NSMCE4A: variants seen among roughly 807,000 people sequenced by gnomAD.
NSMCE4A encodes non-structural maintenance of chromosomes element 4 homolog A.
In NSMCE4A, 40 loss-of-function variants were observed where a neutral mutation model predicts 47.9. The observed-to-expected ratio is 0.83, with a 90% CI of 0.65 to 1.09. The LOEUF (loss-of-function observed/expected upper bound fraction) is 1.09. NSMCE4A is among the 50% of genes least tolerant of loss of function. The pLI, the probability that NSMCE4A is intolerant of heterozygous loss-of-function variation, is 0.00. For synonymous variants in NSMCE4A, 166 were observed against 178.5 expected (o/e 0.93, Z 0.56); for missense variants, 500 against 507.0 (o/e 0.99, Z 0.13).
chr10:121,971,034 A>C lies in NSMCE4A; in HGVS notation c.406T>G (p.Phe136Val), dbSNP rs369664917. 1 of 1,613,878 alleles carries C rather than the reference A, an allele frequency of 6.2e-7. No individual in the cohort carries two copies. Among genetic ancestry groups the C allele is most frequent in the African/African-American group, 1.3e-5 (1 of 74,904 alleles). ...RAREAVLDAH[F>V]LVLASDLGKE... Reference sequence around the variant, plus strand: ...CCCAAATCTGAAGCCAAAACAAGAAAGTGGGCATCCAGGACTGCTTCTCTT... The same window carrying C: ...CCCAAATCTGAAGCCAAAACAAGAACGTGGGCATCCAGGACTGCTTCTCTT... The change falls in exon 3 of 11, where the codon TTT (phenylalanine) becomes GTT (valine). Residue 136 changes from phenylalanine to valine, a missense_variant. Transcript: ENST00000369023.
intron 5 of NSMCE4A, 105 bp from the exon 6 acceptor site, chr10:121,963,433 A>G: frequency 1.6e-6 from 1 of 618,300 alleles, no homozygotes; most frequent in Non-Finnish European, 2.8e-6. Flanking sequence ...GCACACCCGA[A>G]CTCTTTTTTT....
At chr10:121,974,442 T>G in intron 1 of NSMCE4A, 3 of 1,010,324 alleles carry the variant, frequency 3.0e-6, no homozygotes, top group Admixed American at 5.6e-5. Flanking sequence ...GAGATTCGAA[T>G]TCCGCGGGTC....
At position 121,965,394 on chromosome 10, in the gene NSMCE4A, A is replaced by G; in HGVS notation, c.654-9T>C. 1 of 1,592,622 alleles carries G rather than the reference A, an allele frequency of 6.3e-7. No individual in the cohort carries two copies. On this transcript the variant is annotated splice_polypyrimidine_tract_variant and intron_variant, in intron 4 of 10. Transcript: ENST00000369023. ...CGTATATTGAACCCAACCTAATGAA[A>G]AGTATGCTTTCATTTATTTTTTTTG...
At chr10:121,957,875 C>T (rs1564988552) in intron 10 of NSMCE4A, among the ~76,000 whole-genome samples, 1 of 151,952 alleles carries the variant, frequency 6.6e-6, no homozygotes, top group South Asian at 2.1e-4. Context: ...AAAAAAAATT[C>T]TTAGCAATGA....
chr10:121,963,404 A>G (rs1952538689), intron 5 of NSMCE4A, 76 bp from the exon 6 acceptor site: 3 of 781,672 alleles, frequency 3.8e-6, no homozygotes, highest in East Asian at 5.2e-5. Flanking sequence ...GCACACCCAA[A>G]CTCCTTTTCT....
Position 121,967,681 on chromosome 10 carries a change from A to T in NSMCE4A, c.627T>A (p.Phe209Leu). Reference protein sequence around the residue: ...KITGRTAENTFNKTHTFHFLL... With the variant: ...KITGRTAENTLNKTHTFHFLL... ...GAAAGTGGAATGTATGGGTTTTATT[A>T]AAGGTGTTTTCTGCTGTTCTGCCTG... Residue 209 changes from phenylalanine to leucine, a missense_variant, in exon 4 of 11, where the codon TTT becomes TTA. Coordinates refer to ENST00000369023, the MANE Select transcript of NSMCE4A (RefSeq NM_017615.3). 1 of 1,612,062 alleles carries T rather than the reference A, an allele frequency of 6.2e-7. No homozygotes were observed. The highest frequency in any genetic ancestry group is 8.5e-7 in the Non-Finnish European group (1 of 1,179,638).
rs111262138 is a variant in NSMCE4A at position 121,974,258 on chromosome 10, C to A, written c.293-177G>T. On this transcript the variant is annotated intron_variant, in intron 1 of 10. Coordinates refer to ENST00000369023, the MANE Select transcript of NSMCE4A (RefSeq NM_017615.3). ...CCGGAAAAGGAGAAAGGCCACCCTACCCTTTATGCAGCATGAATTTTAAAA... is the reference window on the plus strand; with the variant it reads ...CCGGAAAAGGAGAAAGGCCACCCTAACCTTTATGCAGCATGAATTTTAAAA... 64 of 1,411,268 alleles carry A rather than the reference C, an allele frequency of 4.5e-5. No individual in the cohort carries two copies. In the African/African-American group the frequency reaches 6.2e-4, roughly 14 times the overall value. 87.4% of individuals were successfully genotyped at this position (1,411,268 alleles called of 1,614,324 possible).
intron 10 of NSMCE4A, among the ~76,000 whole-genome samples, chr10:121,957,916 T>C (rs1952428212): frequency 6.7e-6 from 1 of 149,850 alleles, no homozygotes; most frequent in South Asian, 2.1e-4. Context: ...ATTTTATAGA[T>C]ATATTTATAG....
chr10:121,968,577 G>T lies in NSMCE4A; in HGVS notation c.502-771C>A, dbSNP rs182014831. On this transcript the variant is annotated intron_variant, in intron 3 of 10. Coordinates refer to ENST00000369023, the MANE Select transcript of NSMCE4A (RefSeq NM_017615.3). ...AATTGCCTTCCTGGGAAGAGTTGGC[G>T]GAAGTCAAATAATTCTCTCATCTCA... Among the ~76,000 whole-genome samples the T allele has an allele frequency of 5.3e-5, 8 of 151,988 alleles. No homozygotes were observed. In the East Asian group the frequency reaches 1.4e-3, roughly 26 times the overall value.
intron 10 of NSMCE4A, among the ~76,000 whole-genome samples, 198 bp from the exon 11 acceptor site, chr10:121,957,457 G>C (rs911109956): frequency 3.4e-5 from 4 of 116,140 alleles, no homozygotes; most frequent in Non-Finnish European, 1.7e-5. Flanking sequence ...TTTTGAGACA[G>C]AGTTTCGCTC....
rs752449768 is a variant in NSMCE4A, at chr10:121,974,931, G to T, written c.235C>A (p.Gln79Lys). The T allele has an allele frequency of 8.5e-6, 13 of 1,534,622 alleles. No homozygotes were observed. In the South Asian group the frequency reaches 1.3e-4, roughly 16 times the overall value. Residue 79 changes from glutamine (Q) to lysine (K), a missense_variant, in exon 1 of 11, where the codon CAA (glutamine) becomes AAA (lysine). By Grantham distance (53) the Gln-to-Lys change is moderately conservative. Transcript: ENST00000369023. ...DPASLEAEAD[Q>K]GLCRQIRHQY... Reference sequence around the variant, plus strand: ...TGGCGGATCTGGCGGCACAGGCCTTGGTCGGCCTCCGCCTCCAAGCTGGCC... The same window carrying T: ...TGGCGGATCTGGCGGCACAGGCCTTTGTCGGCCTCCGCCTCCAAGCTGGCC...
At chr10:121,964,552 C>T (rs1306508607) in intron 5 of NSMCE4A, among the ~76,000 whole-genome samples, 2 of 152,158 alleles carry the variant, frequency 1.3e-5, no homozygotes, top group East Asian at 3.9e-4. Context: ...CCTAATTCTC[C>T]TGCGTCAGCC....
chr10:121,969,243 G>A (rs1231737794), intron 3 of NSMCE4A, among the ~76,000 whole-genome samples: 2 of 152,176 alleles, frequency 1.3e-5, no homozygotes, highest in African/African-American at 4.8e-5. Context: ...GCTGAGGCAG[G>A]AGAATCGCTT....
chr10:121,957,620 G>A (rs1391201447), intron 10 of NSMCE4A, among the ~76,000 whole-genome samples: 1 of 151,672 alleles, frequency 6.6e-6, no homozygotes, highest in Non-Finnish European at 1.5e-5. Flanking sequence ...ACTTTTAGTA[G>A]AGACGGGGTT....
chr10:121,960,952 C>T lies in NSMCE4A; in HGVS notation c.939+471G>A, dbSNP rs1314635917. On this transcript the variant is annotated intron_variant, in intron 7 of 10. Coordinates refer to ENST00000369023, the MANE Select transcript of NSMCE4A (RefSeq NM_017615.3). This position sits in a 1 kb window ranked among gnomAD's most constrained non-coding sequence, Gnocchi z 4.2. ...AAGGGCTATAAGACTACTATAAACA[C>T]GTGGCATATATCCTTTACCCATATT... 2.0e-5 allele frequency among the ~76,000 whole-genome samples: 3 copies of T among 152,110 alleles called. No individual in the cohort carries two copies. Among genetic ancestry groups the T allele is most frequent in the Non-Finnish European group, 4.4e-5 (3 of 68,020 alleles).
intron 1 of NSMCE4A, chr10:121,974,554 A>C: frequency 6.9e-6 from 7 of 1,017,432 alleles, no homozygotes; most frequent in Non-Finnish European, 8.2e-6. Context: ...TGCCGGGCGC[A>C]ATCAAAGCAC....
Position 121,959,461 on chromosome 10 carries a change from CAG to C in NSMCE4A, c.1083+38_1083+39del, listed in dbSNP as rs758906168. 6.2e-6 allele frequency: 10 copies of C among 1,611,992 alleles called. No homozygotes were observed. The African/African-American group carries it at 1.2e-4, about 19-fold the overall frequency. On this transcript the variant is annotated intron_variant, in intron 9 of 10. Transcript: ENST00000369023. ...GCACTGGGCTTACTGCAAGTGAAGG[CAG>C]AGTCAGAACTATGCAGGGGCAACAG...
chr10:121,965,473 A>T, intron 4 of NSMCE4A, 88 bp from the exon 5 acceptor site: 1 of 968,710 alleles, frequency 1.0e-6, no homozygotes, highest in Non-Finnish European at 1.6e-6. Context: ...TTTGCATGGT[A>T]TAGTCAAATT....
Position 121,975,207 on chromosome 10 carries a change from C to T in NSMCE4A, c.-42G>A. 7.4e-7 allele frequency: 1 copy of T among 1,348,454 alleles called. No individual in the cohort carries two copies. Among genetic ancestry groups the T allele is most frequent in the Non-Finnish European group, 9.5e-7 (1 of 1,055,662 alleles). 83.5% of individuals were successfully genotyped at this position (1,348,454 alleles called of 1,614,324 possible). A position where few individuals can be genotyped will look rare whatever the true frequency, so the allele number is the denominator to read the frequency against. ...GCAACTTCGGAACGGCGGAAGTTCG[C>T]GCCAGAAACTGAAACCCCTGCTCTG... On this transcript the variant is annotated 5_prime_UTR_variant, in exon 1 of 11. Transcript: ENST00000369023.
Sources: gnomAD v4.1 joint callset for allele counts (sites outside exome capture counted in the v4.1 genomes callset) on GRCh38, gnomAD v4.1.1 for gene constraint, Gnocchi (gnomAD v3.1) non-coding constraint, MANE v1.5 for transcripts, NCBI Gene and HGNC (gene_info 2026-07-23, HGNC 2026-07-21) for gene names.